The following KRT75 variants were observed in gnomAD, a reference collection of about 807,000 sequenced individuals.
KRT75 encodes keratin, type II cytoskeletal 75.
In KRT75, 35 loss-of-function variants were observed where a neutral mutation model predicts 48.8. That is an observed-to-expected ratio of 0.72 (90% CI 0.55 to 0.95). The LOEUF (loss-of-function observed/expected upper bound fraction) is 0.95, where lower values mean the gene tolerates loss of function less well. Among genes scored for constraint, KRT75 ranks in the 40% least tolerant of loss-of-function variants. The probability of loss-of-function intolerance (pLI) is 0.00; values close to 1 mark genes in which losing one functional copy is unlikely to be tolerated. For synonymous variants in KRT75, 301 were observed against 282.3 expected (o/e 1.07, Z -0.66); for missense variants, 776 against 709.9 (o/e 1.09, Z -1.06).
chr12:52,425,056 C>G (rs914818845), intron 8 of KRT75, among the ~76,000 whole-genome samples: 1 of 152,186 alleles, frequency 6.6e-6, no homozygotes, highest in Non-Finnish European at 1.5e-5. Context: ...GCTGTGCCGT[C>G]TGGGTCTGTC....
rs972455126 is a variant in KRT75 at position 52,433,311 on chromosome 12, C to T, written c.499-59G>A. On this transcript the variant is annotated intron_variant, in intron 1 of 8. Transcript: ENST00000252245. ...AGTTGGAGAGGCAGAGTTAGACACT[C>T]CTATTAATAAGGGAGAGAAGAAAAA... 18 of 1,349,208 alleles carry T rather than the reference C, an allele frequency of 1.3e-5. No homozygotes were observed. In the Admixed American group the frequency reaches 2.2e-4, roughly 16 times the overall value. The allele number at this position is 1,349,208 out of a possible 1,614,324, so 83.6% of individuals were successfully genotyped here. A position where few individuals can be genotyped will look rare whatever the true frequency, so the allele number is the denominator to read the frequency against.
intron 8 of KRT75, 40 bp from the exon 9 acceptor site, chr12:52,424,795 G>A: frequency 6.7e-7 from 1 of 1,498,706 alleles, no homozygotes; most frequent in Non-Finnish European, 9.3e-7. Context: ...TCAAGTGCAA[G>A]CGAGAAGACA....
chr12:52,430,481 T>A, intron 5 of KRT75, 60 bp downstream of exon 5: 1 of 1,527,256 alleles, frequency 6.5e-7, no homozygotes, highest in South Asian at 1.1e-5. Flanking sequence ...AGTTAAGTGA[T>A]AATGTGGAGC....
chr12:52,432,281 G>A (rs1940155160), intron 2 of KRT75, among the ~76,000 whole-genome samples: 1 of 152,168 alleles, frequency 6.6e-6, no homozygotes, highest in South Asian at 2.1e-4. Flanking sequence ...AAGAGTAGAA[G>A]GTGAGCATGG....
At chr12:52,426,072 T>C (rs1940072384) in intron 8 of KRT75, among the ~76,000 whole-genome samples, 1 of 152,168 alleles carries the variant, frequency 6.6e-6, no homozygotes, top group Non-Finnish European at 1.5e-5. Context: ...ATATAATGAA[T>C]TGCCCTTATG....
intron 5 of KRT75, among the ~76,000 whole-genome samples, chr12:52,429,224 C>T (rs1305430710): frequency 6.6e-6 from 1 of 152,114 alleles, no homozygotes; most frequent in Non-Finnish European, 1.5e-5. Context: ...TGGGTAGTTC[C>T]TGGTCACAGA....
intron 2 of KRT75, 63 bp from the exon 3 acceptor site, chr12:52,432,129 G>T (rs1940153821): frequency 6.4e-7 from 1 of 1,552,120 alleles, no homozygotes; most frequent in South Asian, 1.1e-5. Context: ...TTCCAGGCTG[G>T]TGTAGCAAGA....
At chr12:52,424,871 C>T in intron 8 of KRT75, 116 bp from the exon 9 acceptor site, 1 of 812,844 alleles carries the variant, frequency 1.2e-6, no homozygotes, top group Non-Finnish European at 2.1e-6. Flanking sequence ...CGTCAGCCAG[C>T]AGTTTGCCTC....
intron 1 of KRT75, 129 bp downstream of exon 1, chr12:52,433,678 G>A: frequency 7.0e-7 from 1 of 1,424,798 alleles, no homozygotes; most frequent in East Asian, 2.3e-5. Context: ...TCAGCCCCTG[G>A]GAGCCCGTGC....
At chr12:52,426,886 A>G (rs1940082278) in intron 7 of KRT75, 35 bp from the exon 8 acceptor site, 2 of 1,608,496 alleles carry the variant, frequency 1.2e-6, no homozygotes, top group Non-Finnish European at 1.7e-6. Context: ...GAAGGTTACC[A>G]ATGTGGCCAG....
Position 52,424,228 on chromosome 12 carries a change from G to T in KRT75, c.*289C>A. ...ATCTGGAGGGAGGGAGGGAGGTGGA[G>T]CTGGAGGAGGACTTTCCAGCTGCCC... On this transcript the variant is annotated 3_prime_UTR_variant, in exon 9 of 9. Transcript: ENST00000252245. 2.1e-6 allele frequency: 1 copy of T among 485,710 alleles called. No homozygotes were observed. The highest frequency in any genetic ancestry group is 3.8e-6 in the Non-Finnish European group (1 of 263,770). 30.1% of individuals were successfully genotyped at this position (485,710 alleles called of 1,614,324 possible).
At chr12:52,426,297 C>G (rs1940075436) in intron 8 of KRT75, among the ~76,000 whole-genome samples, 1 of 152,216 alleles carries the variant, frequency 6.6e-6, no homozygotes, top group African/African-American at 2.4e-5. Flanking sequence ...CCTTGAAAAC[C>G]CTTGGCATCC....
At chr12:52,431,170 C>G (rs544877797) in intron 4 of KRT75, among the ~76,000 whole-genome samples, 1 of 150,344 alleles carries the variant, frequency 6.7e-6, no homozygotes, top group South Asian at 2.1e-4. Flanking sequence ...AGCCCCCTGA[C>G]CAATGAGCTG....
intron 4 of KRT75, 29 bp from the exon 5 acceptor site, chr12:52,430,734 AG>A: frequency 6.2e-7 from 1 of 1,613,810 alleles, no homozygotes; most frequent in South Asian, 1.1e-5. Flanking sequence ...AGCATCACCA[AG>A]GCATAAGATG....
rs1940149301 is a variant in KRT75, at chr12:52,431,889, G to A, written c.774+117C>T. 1.1e-5 allele frequency: 11 copies of A among 995,454 alleles called. No individual in the cohort carries two copies. The South Asian group carries it at 1.5e-4, about 13-fold the overall frequency. The allele number at this position is 995,454 out of a possible 1,614,324, so 61.7% of individuals were successfully genotyped here. A position where few individuals can be genotyped will look rare whatever the true frequency, so the allele number is the denominator to read the frequency against. ...CATGTTGGGAGGTTTGAACTCTGCA[G>A]ATATTCTCAAGGTTGATGTGACATT... On this transcript the variant is annotated intron_variant, in intron 3 of 8. Coordinates refer to ENST00000252245, the MANE Select transcript of KRT75 (RefSeq NM_004693.3).
At chr12:52,433,389 C>T (rs1940171725) in intron 1 of KRT75, 137 bp from the exon 2 acceptor site, 1 of 815,890 alleles carries the variant, frequency 1.2e-6, no homozygotes, top group Non-Finnish European at 2.0e-6. Flanking sequence ...ACAACTCCAA[C>T]CCAAAAGGAG....
chr12:52,429,109 G>C (rs902619725), intron 5 of KRT75, among the ~76,000 whole-genome samples: 1 of 152,128 alleles, frequency 6.6e-6, no homozygotes, highest in East Asian at 1.9e-4. Flanking sequence ...GACCAGTTGT[G>C]GGGGAGAACA....
Position 52,428,355 on chromosome 12 carries a change from G to T in KRT75, c.1283C>A (p.Ala428Asp), listed in dbSNP as rs373116171. The T allele has an allele frequency of 2.5e-6, 4 of 1,614,062 alleles. No homozygotes were observed. The highest frequency in any genetic ancestry group is 1.3e-5 in the African/African-American group (1 of 74,922). ...EALQKAKQDMARLLREYQELM... is the reference protein window; with the variant it reads ...EALQKAKQDMDRLLREYQELM... ...CTCCTGGTACTCACGCAGGAGCCGA[G>T]CCATGTCCTGCTTGGCCTTCTGCAG... is the stretch of plus-strand genomic sequence containing the variant. Residue 428 changes from alanine to aspartate, a missense_variant, in exon 7 of 9, where the codon GCT becomes GAT. Physicochemically the swap from Ala to Asp is moderately radical, Grantham distance 126. Coordinates refer to ENST00000252245, the MANE Select transcript of KRT75 (RefSeq NM_004693.3).
In KRT75 at chr12:52,428,408, C is replaced by T. The variant is rs779631300; in HGVS notation, c.1230G>A (p.Arg410=). 1.9e-6 allele frequency: 3 copies of T among 1,614,168 alleles called. No individual in the cohort carries two copies. Among genetic ancestry groups the T allele is most frequent in the Admixed American group, 3.3e-5 (2 of 60,032 alleles). The part of the protein sequence containing the change: ...QRGELALKDA[R]AKLVDLEEAL... Reference sequence around the variant, plus strand: ...CCTCCTCAAGGTCCACCAGCTTGGCCCGTGCATCCTTGAGAGCCAGTTCTC... The same window carrying T: ...CCTCCTCAAGGTCCACCAGCTTGGCTCGTGCATCCTTGAGAGCCAGTTCTC... The change falls in exon 7 of 9, where the codon CGG becomes CGA. Residue 410 remains arginine, a synonymous_variant. Coordinates refer to ENST00000252245, the MANE Select transcript of KRT75 (RefSeq NM_004693.3).
Sources: allele counts gnomAD v4.1 joint callset (sites outside exome capture counted in the v4.1 genomes callset), GRCh38; gene constraint gnomAD v4.1.1; transcripts MANE v1.5; gene names NCBI Gene and HGNC (gene_info 2026-07-23, HGNC 2026-07-21).